Variants in CLEC4A observed in about 807,000 individuals in gnomAD.
CLEC4A encodes C-type lectin domain family 4 member A, also known as C-type (calcium dependent, carbohydrate-recognition domain) lectin, superfamily member 6.
Under a neutral mutation model 32.7 loss-of-function variants are expected in CLEC4A, and 27 were observed. The ratio of observed to expected loss-of-function variants is 0.83; its 90% CI spans 0.61 to 1.14. The LOEUF (loss-of-function observed/expected upper bound fraction) is 1.14, where lower values mean the gene tolerates loss of function less well. CLEC4A is among the 50% of genes most tolerant of loss of function. CLEC4A has a pLI of 0.00. For missense variants in CLEC4A, 253 were observed against 274.6 expected, an observed-to-expected ratio of 0.92 and a Z score of 0.55; for synonymous variants, 89 against 93.7, an observed-to-expected ratio of 0.95 and a Z score of 0.29.
Position 8,123,924 on chromosome 12 carries a change from T to C in CLEC4A, c.46T>C (p.Phe16Leu). The C allele has an allele frequency of 6.2e-7, 1 of 1,613,450 alleles. No homozygotes were observed. Residue 16 changes from phenylalanine to leucine, a missense_variant, in exon 1 of 6, where the codon TTC becomes CTC. By Grantham distance (22) the Phe-to-Leu change is conservative (BLOSUM62 0). Transcript: ENST00000229332. ...TGCTGAAGTGAGGTTCAAAAATGAA[T>C]TCAAGTCCTCAGGCATCAACACAGC... ...TYAEVRFKNE[F>L]KSSGINTASS...
chr12:8,106,173 A>C, the CLEC4A span, among the ~76,000 whole-genome samples: 35 of 151,904 alleles, frequency 2.3e-4, no homozygotes, highest in African/African-American at 8.2e-4. Context: ...GTTTTTGTCA[A>C]CTTTGTCAAA....
chr12:8,124,131 C>T (rs1947863846), intron 1 of CLEC4A, among the ~76,000 whole-genome samples, 171 bp downstream of exon 1: 1 of 152,146 alleles, frequency 6.6e-6, no homozygotes, highest in African/African-American at 2.4e-5. Context: ...ACGGGGTGTA[C>T]ATTTGTATTG....
At chr12:8,111,325 G>A in the CLEC4A span, among the ~76,000 whole-genome samples, 20 of 151,712 alleles carry the variant, frequency 1.3e-4, no homozygotes, top group African/African-American at 3.9e-4. Context: ...GATTACAGGC[G>A]TGCACCACCA....
the CLEC4A span, among the ~76,000 whole-genome samples, chr12:8,103,771 G>A: frequency 6.6e-6 from 1 of 152,140 alleles, no homozygotes; most frequent in South Asian, 2.1e-4. Flanking sequence ...TTTTATACCT[G>A]CCTGTTGAGG....
chr12:8,117,557 C>T, the CLEC4A span, among the ~76,000 whole-genome samples: 1 of 152,130 alleles, frequency 6.6e-6, no homozygotes, highest in East Asian at 1.9e-4. Context: ...CTCTTAAAGG[C>T]TTGTCTCCAA....
At chr12:8,135,069 T>TTTTTTTTTA (rs1948089265) in intron 3 of CLEC4A, among the ~76,000 whole-genome samples, 1 of 124,238 alleles carries the variant, frequency 8.0e-6, no homozygotes, top group African/African-American at 3.0e-5. Context: ...TTTTTTTTTT[T>TTTTTTTTTA]GAGACAGGTT....
At chr12:8,133,428 C>A (rs1253420477) in intron 3 of CLEC4A, among the ~76,000 whole-genome samples, 3 of 152,062 alleles carry the variant, frequency 2.0e-5, no homozygotes, top group Non-Finnish European at 4.4e-5. Context: ...TCTCTCTATC[C>A]CCTTCATTCT....
the CLEC4A span, among the ~76,000 whole-genome samples, chr12:8,107,771 CTT>C: frequency 5.7e-4 from 80 of 140,284 alleles, no homozygotes; most frequent in East Asian, 0.014. Context: ...CGATCTTCTG[CTT>C]TTTTTTTTTT....
chr12:8,113,066 A>G, the CLEC4A span, among the ~76,000 whole-genome samples: 1 of 151,128 alleles, frequency 6.6e-6, no homozygotes, highest in Non-Finnish European at 1.5e-5. Flanking sequence ...TGCTGCACCC[A>G]TTAACTCGTC....
At chr12:8,132,469 T>C (rs1033548402) in intron 3 of CLEC4A, among the ~76,000 whole-genome samples, 17 of 152,238 alleles carry the variant, frequency 1.1e-4, no homozygotes, top group South Asian at 2.1e-4. Context: ...TTATTTCTTT[T>C]ATTAATTTCT....
intron 4 of CLEC4A, among the ~76,000 whole-genome samples, chr12:8,136,414 A>G (rs1429339449): frequency 2.0e-5 from 3 of 151,978 alleles, no homozygotes; most frequent in Non-Finnish European, 1.5e-5. Flanking sequence ...AAAATACAAA[A>G]ATTAGCCAGG....
the CLEC4A span, among the ~76,000 whole-genome samples, chr12:8,110,254 T>C: frequency 1.2e-3 from 175 of 152,164 alleles, no homozygotes; most frequent in Non-Finnish European, 1.7e-3. Context: ...GGGTGAAATA[T>C]GGTTATCCAT....
intron 3 of CLEC4A, among the ~76,000 whole-genome samples, chr12:8,135,028 A>ATTTTTTTTTTTTTTTTTTTTTTTT (rs1948085371): frequency 5.7e-5 from 1 of 17,566 alleles, no homozygotes; most frequent in Non-Finnish European, 1.4e-4. Flanking sequence ...TTGTCAGATA[A>ATTTTTTTTTTTTTTTTTTTTTTTT]TTCTAACAAT....
intron 1 of CLEC4A, among the ~76,000 whole-genome samples, chr12:8,125,331 A>G (rs1947882698): frequency 6.6e-6 from 1 of 152,198 alleles, no homozygotes; most frequent in African/African-American, 2.4e-5. Flanking sequence ...TATAAGTTAT[A>G]TGGCATAACA....
intron 3 of CLEC4A, among the ~76,000 whole-genome samples, chr12:8,132,693 T>C (rs1948019814): frequency 6.6e-6 from 1 of 152,232 alleles, no homozygotes; most frequent in South Asian, 2.1e-4. Flanking sequence ...TCTTGCTGAT[T>C]TTCTGTGTAG....
chr12:8,135,660 C>T lies in CLEC4A; in HGVS notation c.374C>T (p.Ala125Val), dbSNP rs1350617238. Residue 125 changes from alanine (A) to valine (V), a missense_variant, in exon 4 of 6, where the codon GCA becomes GTA. By Grantham distance (64) the Ala-to-Val change is moderately conservative. Transcript: ENST00000229332. The stretch of plus-strand genomic sequence containing the variant: ...TGCTACTTTATTTCTACTGAATCAG[C>T]ATCTTGGCAAGACAGTGAGAAGGAC... ...SNCYFISTESASWQDSEKDCA... is the reference protein window; with the variant it reads ...SNCYFISTESVSWQDSEKDCA... 3 of 1,614,158 alleles carry T rather than the reference C, an allele frequency of 1.9e-6. No homozygotes were observed. The highest frequency in any genetic ancestry group is 2.2e-5 in the South Asian group (2 of 91,088).
At chr12:8,118,194 T>C in the CLEC4A span, among the ~76,000 whole-genome samples, 2 of 152,228 alleles carry the variant, frequency 1.3e-5, no homozygotes, top group East Asian at 3.8e-4. Flanking sequence ...AAGTCATTTA[T>C]GCATTCATCT....
chr12:8,108,141 A>G, the CLEC4A span, among the ~76,000 whole-genome samples: 3 of 152,204 alleles, frequency 2.0e-5, no homozygotes, highest in Admixed American at 1.3e-4. Flanking sequence ...TTTATTGTTT[A>G]CCCAAAAGTC....
intron 3 of CLEC4A, among the ~76,000 whole-genome samples, chr12:8,129,690 C>G (rs1947963243): frequency 6.6e-6 from 1 of 152,144 alleles, no homozygotes; most frequent in South Asian, 2.1e-4. Flanking sequence ...ACTCGGGAGG[C>G]TGAGGCAGGA....
Sources: gnomAD v4.1 joint callset for allele counts (sites outside exome capture counted in the v4.1 genomes callset) on GRCh38, gnomAD v4.1.1 for gene constraint, MANE v1.5 for transcripts, NCBI Gene and HGNC (gene_info 2026-07-23, HGNC 2026-07-21) for gene names.